TNKS: variants seen among roughly 807,000 people sequenced by gnomAD.
TNKS encodes the protein tankyrase.
In TNKS, 72 loss-of-function variants were observed where a neutral mutation model predicts 135.8. That is an observed-to-expected ratio of 0.53 (90% CI 0.44 to 0.64). TNKS has a LOEUF of 0.64. TNKS is among the 30% of genes least tolerant of loss of function. The pLI is 0.00. For missense variants in TNKS, 1,769 were observed against 1,674.0 expected (o/e 1.06, Z -0.99); for synonymous variants, 849 against 649.3 (o/e 1.31, Z -4.68).
At chr8:9,741,842 C>G in intron 17 of TNKS, 1 of 330,706 alleles carries the variant, frequency 3.0e-6, no homozygotes, top group Non-Finnish European at 6.9e-6. Context: ...CAATCGGTCT[C>G]CTGACCGGAA....
chr8:9,662,554 A>G (rs1470327709), intron 3 of TNKS, among the ~76,000 whole-genome samples: 3 of 152,124 alleles, frequency 2.0e-5, no homozygotes, highest in African/African-American at 2.4e-5. Context: ...ATGAGAACAC[A>G]TGGACACAGG....
At chr8:9,619,527 C>G (rs1299023600) in intron 3 of TNKS, among the ~76,000 whole-genome samples, 1 of 152,092 alleles carries the variant, frequency 6.6e-6, no homozygotes, top group Non-Finnish European at 1.5e-5. Context: ...GATGGTTGAT[C>G]CTAGTGTTTT....
intron 5 of TNKS, among the ~76,000 whole-genome samples, chr8:9,694,375 C>T (rs1225272611): frequency 6.6e-6 from 1 of 152,064 alleles, no homozygotes; most frequent in Non-Finnish European, 1.5e-5. Context: ...AGTTAGGAGA[C>T]AGATACACAA....
rs183089707 is a variant in TNKS at position 9,762,259 on chromosome 8, G to T, written c.3274+623G>T. ...ATTTGTTAGAAGCACCTTCACTATA[G>T]GAAAGCAAGGAAGGAGAATCTACAG... is the stretch of plus-strand genomic sequence containing the variant. On this transcript the variant is annotated intron_variant, in intron 21 of 26. Coordinates refer to ENST00000310430, the MANE Select transcript of TNKS (RefSeq NM_003747.3). Among the ~76,000 whole-genome samples the T allele has an allele frequency of 4.0e-3, 615 of 152,224 alleles. 6 individuals are homozygous for T. Among genetic ancestry groups the T allele is most frequent in the African/African-American group, 0.014 (586 of 41,508 alleles).
chr8:9,776,605 G>A (rs1426994811), intron 26 of TNKS, 45 bp from the exon 27 acceptor site: 2 of 1,568,244 alleles, frequency 1.3e-6, no homozygotes, highest in African/African-American at 1.4e-5. Context: ...CTTTAATATT[G>A]TGCCTACTAG....
At chr8:9,656,197 A>G (rs1482462217) in intron 3 of TNKS, among the ~76,000 whole-genome samples, 2 of 151,992 alleles carry the variant, frequency 1.3e-5, no homozygotes, top group Non-Finnish European at 2.9e-5. Flanking sequence ...TAGAGAAAAA[A>G]GAAAAGAAAC....
chr8:9,640,345 A>G (rs761113593), intron 3 of TNKS, among the ~76,000 whole-genome samples: 2 of 150,772 alleles, frequency 1.3e-5, no homozygotes, highest in Non-Finnish European at 1.5e-5. Context: ...CGGAGCCCTC[A>G]TGACCTAATC....
In TNKS at chr8:9,775,595, T is replaced by C. The variant is rs112881894; in HGVS notation, c.3898-1055T>C. Among the ~76,000 whole-genome samples the C allele has an allele frequency of 5.7e-3, 852 of 149,690 alleles. 9 individuals carry two copies. The highest frequency in any genetic ancestry group is 0.019 in the African/African-American group (796 of 40,970). ...GGGAGTACTCTCTAATGAATAATAC[T>C]AATAAAAATAATAACAATAATAGAT... is the stretch of plus-strand genomic sequence containing the variant. On this transcript the variant is annotated intron_variant, in intron 26 of 26. Transcript: ENST00000310430.
At position 9,605,456 on chromosome 8, in the gene TNKS, T is replaced by C. The variant is rs77830078; in HGVS notation, c.899-10126T>C. Among the ~76,000 whole-genome samples, 34 of 152,242 alleles carry C rather than the reference T, an allele frequency of 2.2e-4. 1 individual carries two copies. In the East Asian group the frequency reaches 6.2e-3, roughly 28 times the overall value. ...TATGATCATTCACATGCAAGTCTTTTGTGTGGACACATGGGTTTTTGGTTT... is the reference window on the plus strand; with the variant it reads ...TATGATCATTCACATGCAAGTCTTTCGTGTGGACACATGGGTTTTTGGTTT... On this transcript the variant is annotated intron_variant, in intron 2 of 26. Coordinates refer to ENST00000310430, the MANE Select transcript of TNKS (RefSeq NM_003747.3).
intron 3 of TNKS, among the ~76,000 whole-genome samples, chr8:9,634,080 CATAT>C (rs35243166): frequency 0.12 from 17,083 of 141,916 alleles, 1,254 homozygotes; most frequent in African/African-American, 0.21. Context: ...CATTTAACTG[CATAT>C]ATATATATAT....
intron 11 of TNKS, among the ~76,000 whole-genome samples, chr8:9,712,334 G>T (rs1804379383): frequency 6.6e-6 from 1 of 151,908 alleles, no homozygotes. Context: ...TTAAAAATTA[G>T]CCAGTCGTGG....
At chr8:9,705,732 T>A (rs13258115) in intron 6 of TNKS, among the ~76,000 whole-genome samples, 1 of 152,204 alleles carries the variant, frequency 6.6e-6, no homozygotes, top group Non-Finnish European at 1.5e-5. Context: ...CATCAAGAGA[T>A]GTACACCACA....
intron 14 of TNKS, 44 bp from the exon 15 acceptor site, chr8:9,733,235 C>A: frequency 6.6e-7 from 1 of 1,508,202 alleles, no homozygotes; most frequent in East Asian, 2.3e-5. Context: ...CATTGTAACT[C>A]AAAGGTTTGT....
chr8:9,644,536 G>A (rs780455344), intron 3 of TNKS, among the ~76,000 whole-genome samples: 3 of 152,112 alleles, frequency 2.0e-5, no homozygotes, highest in Non-Finnish European at 4.4e-5. Context: ...CTTATCAAGT[G>A]CTTCCATTTC....
chr8:9,732,948 C>G (rs995841683), intron 14 of TNKS, among the ~76,000 whole-genome samples: 2 of 152,156 alleles, frequency 1.3e-5, no homozygotes, highest in African/African-American at 4.8e-5. Flanking sequence ...CAAGGTAGAA[C>G]TTGCCTAAAT....
intron 2 of TNKS, among the ~76,000 whole-genome samples, chr8:9,597,392 A>G (rs996743631): frequency 1.3e-5 from 2 of 152,234 alleles, no homozygotes; most frequent in African/African-American, 4.8e-5. Flanking sequence ...AGCTCAGTGA[A>G]GGGCTGACAT....
chr8:9,741,823 G>T, intron 17 of TNKS: 1 of 394,654 alleles, frequency 2.5e-6, no homozygotes, highest in South Asian at 2.0e-5. Flanking sequence ...CCTGAAGAGA[G>T]GTGTAATGCA....
intron 5 of TNKS, among the ~76,000 whole-genome samples, chr8:9,699,365 A>T (rs762895983): frequency 1.9e-4 from 29 of 152,204 alleles, no homozygotes; most frequent in Non-Finnish European, 3.8e-4. Context: ...GGATCAGGAG[A>T]CAGCATTTGG....
intron 2 of TNKS, among the ~76,000 whole-genome samples, chr8:9,586,288 A>G (rs1798376152): frequency 6.6e-6 from 1 of 152,244 alleles, no homozygotes; most frequent in Admixed American, 6.5e-5. Context: ...ATATAAAGAT[A>G]GTATTATTTA....
Sources: allele counts gnomAD v4.1 joint callset (sites outside exome capture counted in the v4.1 genomes callset), GRCh38; gene constraint gnomAD v4.1.1; transcripts MANE v1.5; gene names NCBI Gene and HGNC (gene_info 2026-07-23, HGNC 2026-07-21).